The following CAPS2 variants were observed in gnomAD, a reference collection of about 807,000 sequenced individuals.
CAPS2 encodes calcyphosin-2.
A neutral mutation model predicts 86.5 loss-of-function variants in CAPS2; 98 were observed. The ratio of observed to expected loss-of-function variants is 1.13; its 90% CI spans 0.96 to 1.34. The LOEUF is 1.34. Among genes scored for constraint, CAPS2 ranks in the 40% most tolerant of loss-of-function variants. The pLI is 0.00. For missense variants in CAPS2, 729 were observed against 686.8 expected, an observed-to-expected ratio of 1.06 and a Z score of -0.69; for synonymous variants, 210 against 225.1, an observed-to-expected ratio of 0.93 and a Z score of 0.60.
chr12:75,323,204 C>A, exon 3 of CAPS2: 1 of 1,544,304 alleles, frequency 6.5e-7, no homozygotes, highest in Non-Finnish European at 8.7e-7. Flanking sequence ...CAAGGCTTCC[C>A]AAATCAAGTC....
At chr12:75,334,613 G>C, upstream of CAPS2, 1 of 1,496,350 alleles carries the variant, frequency 6.7e-7, no homozygotes. Context: ...GCTCGAGCCT[G>C]TGCGGCAGGA....
At chr12:75,297,019 A>G (rs2138467827) in intron 11 of CAPS2, among the ~76,000 whole-genome samples, 1 of 152,316 alleles carries the variant, frequency 6.6e-6, no homozygotes, top group East Asian at 1.9e-4. Flanking sequence ...TGTGGTTTAT[A>G]TGTAGCTGGC....
At chr12:75,355,498 T>C (rs2043096401) in intron 1 of CAPS2, among the ~76,000 whole-genome samples, 1 of 152,020 alleles carries the variant, frequency 6.6e-6, no homozygotes, top group African/African-American at 2.4e-5. Flanking sequence ...TGTGGAGAAA[T>C]AGGAACGTTT....
At chr12:75,277,350 G>A (rs920482067) in exon 17 of CAPS2, 5 of 972,584 alleles carry the variant, frequency 5.1e-6, no homozygotes, top group Non-Finnish European at 6.1e-6. Flanking sequence ...TGCATATTGA[G>A]CACCCCCAGT....
At chr12:75,355,946 C>A (rs1432024706) in intron 1 of CAPS2, among the ~76,000 whole-genome samples, 1 of 152,000 alleles carries the variant, frequency 6.6e-6, no homozygotes, top group Non-Finnish European at 1.5e-5. Context: ...CTTGGCCACA[C>A]AAAGGGTAAC....
chr12:75,322,343 G>A (rs1038916873), intron 4 of CAPS2, among the ~76,000 whole-genome samples: 1 of 152,090 alleles, frequency 6.6e-6, no homozygotes, highest in Non-Finnish European at 1.5e-5. Context: ...GGAGGGACAG[G>A]CACTCCAAAA....
At chr12:75,317,181 G>A (rs2138913077) in intron 5 of CAPS2, among the ~76,000 whole-genome samples, 1 of 152,170 alleles carries the variant, frequency 6.6e-6, no homozygotes, top group South Asian at 2.1e-4. Flanking sequence ...TTCCATGAAA[G>A]CAGGAACCTT....
chr12:75,381,864 C>T (rs1468413573), intron 1 of CAPS2, among the ~76,000 whole-genome samples: 1 of 152,074 alleles, frequency 6.6e-6, no homozygotes, highest in African/African-American at 2.4e-5. Flanking sequence ...CTGCCCACCT[C>T]GGCTGCCCAA....
At chr12:75,359,945 A>C (rs538471142) in intron 1 of CAPS2, 1 of 152,286 alleles carries the variant, frequency 6.6e-6, no homozygotes, top group East Asian at 1.9e-4. Context: ...GGCCTCAGAA[A>C]CTTACAATGA....
In CAPS2 at chr12:75,291,831, C is replaced by T. The variant is rs371737610; in HGVS notation, c.1164-11G>A. 28 of 1,439,934 alleles carry T rather than the reference C, an allele frequency of 1.9e-5. No homozygotes were observed. Among genetic ancestry groups the T allele is most frequent in the Non-Finnish European group, 2.7e-5 (28 of 1,043,474 alleles). The allele number at this position is 1,439,934 out of a possible 1,614,324, so 89.2% of individuals were successfully genotyped here. A position where few individuals can be genotyped will look rare whatever the true frequency, so the allele number is the denominator to read the frequency against. On this transcript the variant is annotated splice_polypyrimidine_tract_variant and intron_variant, in intron 12 of 16. Transcript: ENST00000393284. ...TCCATAGAAGCAGTTCTGCAATTGA[C>T]ATGTTCACAGGGATGAAATATATAT...
intron 13 of CAPS2, among the ~76,000 whole-genome samples, chr12:75,291,057 CAAATTTGGAAAATGTTTAAGTATCCA>C (rs925293518): frequency 1.3e-4 from 20 of 152,116 alleles, no homozygotes; most frequent in African/African-American, 4.8e-4. Context: ...TGCATTTTCC[CAAATTTGGAAAATGTTTAAGTATCCA>C]AAACTGACAT....
intron 11 of CAPS2, among the ~76,000 whole-genome samples, chr12:75,297,710 T>C (rs1188979679): frequency 6.6e-6 from 1 of 152,182 alleles, no homozygotes; most frequent in Non-Finnish European, 1.5e-5. Flanking sequence ...ACTCATCTCT[T>C]GCCAACCTCC....
At position 75,289,780 on chromosome 12, in the gene CAPS2, TC is replaced by T; in HGVS notation, c.1241-6del. 6.2e-7 allele frequency: 1 copy of T among 1,605,626 alleles called. No homozygotes were observed. Among genetic ancestry groups the T allele is most frequent in the East Asian group, 2.2e-5 (1 of 44,692 alleles). On this transcript the variant is annotated splice_polypyrimidine_tract_variant and splice_region_variant and intron_variant, in intron 13 of 16. Transcript: ENST00000393284. ...GTAGTTTTTCTTTTAGCACATCTGT[TC>T]AACAAGAAGAGAGATGAAAACAAAT... is the stretch of plus-strand genomic sequence containing the variant.
intron 11 of CAPS2, among the ~76,000 whole-genome samples, chr12:75,295,759 T>C (rs1465122285): frequency 6.6e-6 from 1 of 152,194 alleles, no homozygotes; most frequent in Non-Finnish European, 1.5e-5. Flanking sequence ...GTCAGGACTA[T>C]GAAGAAAAAC....
At chr12:75,336,096 A>G (rs1388841061) in intron 1 of CAPS2, among the ~76,000 whole-genome samples, 1 of 152,014 alleles carries the variant, frequency 6.6e-6, no homozygotes, top group Non-Finnish European at 1.5e-5. Flanking sequence ...TGTCAATAGA[A>G]TTATTCTGCT....
chr12:75,299,037 T>A, intron 9 of CAPS2, 71 bp from the exon 10 acceptor site: 1 of 1,001,908 alleles, frequency 1.0e-6, no homozygotes, highest in Non-Finnish European at 1.5e-6. Context: ...AAAAAACATG[T>A]TCATCTCAAG....
intron 11 of CAPS2, among the ~76,000 whole-genome samples, chr12:75,296,350 G>A (rs2036872927): frequency 6.6e-6 from 1 of 151,850 alleles, no homozygotes; most frequent in Non-Finnish European, 1.5e-5. Context: ...GGAGTGCAGA[G>A]GCGCAATCTC....
At chr12:75,317,013 A>G (rs2039843452) in intron 5 of CAPS2, among the ~76,000 whole-genome samples, 1 of 152,190 alleles carries the variant, frequency 6.6e-6, no homozygotes, top group Non-Finnish European at 1.5e-5. Context: ...TTAATAGATT[A>G]TAAGATTTCT....
chr12:75,387,965 C>A (rs2045377129), intron 1 of CAPS2, among the ~76,000 whole-genome samples: 1 of 152,204 alleles, frequency 6.6e-6, no homozygotes, highest in Admixed American at 6.5e-5. Context: ...ACACAGAAAC[C>A]TGCACAAAGA....
Sources: gnomAD v4.1 joint callset for allele counts (sites outside exome capture counted in the v4.1 genomes callset) on GRCh38, gnomAD v4.1.1 for gene constraint, MANE v1.5 for transcripts, NCBI Gene and HGNC (gene_info 2026-07-23, HGNC 2026-07-21) for gene names.